CLIC5: variants seen among roughly 807,000 people sequenced by gnomAD.
The protein encoded by CLIC5 is CLIC family member 5.
A neutral mutation model predicts 24.7 loss-of-function variants in CLIC5; 20 were observed. That is an observed-to-expected ratio of 0.81 (90% CI 0.57 to 1.18). The LOEUF (loss-of-function observed/expected upper bound fraction) is 1.18. Among genes scored for constraint, CLIC5 ranks in the 50% most tolerant of loss-of-function variants. The pLI is 0.00. For missense variants in CLIC5, 341 were observed against 326.1 expected (o/e 1.05, Z -0.35); for synonymous variants, 159 against 135.6 (o/e 1.17, Z -1.20).
intron 1 of CLIC5, among the ~76,000 whole-genome samples, chr6:46,059,363 C>G (rs1031618024): frequency 2.0e-5 from 3 of 152,198 alleles, no homozygotes; most frequent in Non-Finnish European, 4.4e-5. Context: ...TGTATTCATG[C>G]TATTCCTATT....
chr6:45,981,226 C>A (rs1310781332), intron 1 of CLIC5, among the ~76,000 whole-genome samples: 1 of 152,062 alleles, frequency 6.6e-6, no homozygotes, highest in East Asian at 1.9e-4. Flanking sequence ...ACCTCAGCCT[C>A]CCAAAGTGTT....
chr6:45,887,945 T>G (rs1259700232), intron 6 of CLIC5, among the ~76,000 whole-genome samples: 1 of 152,216 alleles, frequency 6.6e-6, no homozygotes, highest in Non-Finnish European at 1.5e-5. Context: ...GACTAAATTT[T>G]CAAACATCTG....
At chr6:45,966,682 G>T (rs891427110) in intron 1 of CLIC5, among the ~76,000 whole-genome samples, 1 of 151,742 alleles carries the variant, frequency 6.6e-6, no homozygotes, top group Admixed American at 6.6e-5. Flanking sequence ...ACCTAAACTG[G>T]AAACTCCTTC....
intron 4 of CLIC5, among the ~76,000 whole-genome samples, chr6:45,929,919 TGA>T: frequency 6.6e-6 from 1 of 152,066 alleles, no homozygotes; most frequent in South Asian, 2.1e-4. Flanking sequence ...CAAGGCAGAA[TGA>T]GAAGGGGGGT....
intron 1 of CLIC5, among the ~76,000 whole-genome samples, chr6:45,986,607 A>C (rs995202818): frequency 6.6e-6 from 1 of 152,120 alleles, no homozygotes; most frequent in Non-Finnish European, 1.5e-5. Flanking sequence ...TTTTTTTTCT[A>C]TAGTGAGGCT....
At chr6:46,073,751 C>T (rs1037592563) in intron 1 of CLIC5, among the ~76,000 whole-genome samples, 1 of 152,244 alleles carries the variant, frequency 6.6e-6, no homozygotes, top group Non-Finnish European at 1.5e-5. Flanking sequence ...TTCTGACCCA[C>T]TCAACCAAAT....
chr6:46,111,411 TTTTG>T, the CLIC5 span, among the ~76,000 whole-genome samples: 1 of 152,158 alleles, frequency 6.6e-6, no homozygotes, highest in Non-Finnish European at 1.5e-5. Context: ...AGACATTCAC[TTTTG>T]TTTTTCTTCT....
chr6:46,109,251 A>G, the CLIC5 span, among the ~76,000 whole-genome samples: 1 of 152,288 alleles, frequency 6.6e-6, no homozygotes, highest in Non-Finnish European at 1.5e-5. Flanking sequence ...TTCTTCTTCA[A>G]GGAAATTTTT....
upstream of CLIC5, chr6:46,080,373 A>G (rs1762894643): frequency 3.0e-6 from 2 of 671,960 alleles, no homozygotes; most frequent in Non-Finnish European, 5.1e-6. Context: ...AGCAACTGCT[A>G]TCAATGACAG....
At chr6:45,988,196 C>T (rs887948791) in intron 1 of CLIC5, among the ~76,000 whole-genome samples, 1 of 152,100 alleles carries the variant, frequency 6.6e-6, no homozygotes, top group Non-Finnish European at 1.5e-5. Flanking sequence ...ATAAACATTA[C>T]AAAAAGGAGA....
chr6:46,115,873 A>C, the CLIC5 span, among the ~76,000 whole-genome samples: 4 of 152,366 alleles, frequency 2.6e-5, no homozygotes, highest in South Asian at 8.3e-4. Flanking sequence ...AGTTTTTCAC[A>C]TGACATAAAA....
chr6:46,013,448 C>T (rs867638669), intron 1 of CLIC5, among the ~76,000 whole-genome samples: 23 of 152,290 alleles, frequency 1.5e-4, no homozygotes, highest in African/African-American at 4.3e-4. Context: ...AACTGCTAAC[C>T]TGAAGCTCAA....
intron 4 of CLIC5, among the ~76,000 whole-genome samples, chr6:45,928,974 G>A (rs993783349): frequency 2.6e-5 from 4 of 152,150 alleles, no homozygotes; most frequent in African/African-American, 9.7e-5. Context: ...ATCCAGGCCA[G>A]GCCAGGAGAA....
At chr6:46,109,453 G>C in the CLIC5 span, among the ~76,000 whole-genome samples, 81 of 148,644 alleles carry the variant, frequency 5.4e-4, no homozygotes, top group African/African-American at 2.0e-3. Context: ...GCCGAGGCGG[G>C]TGCATCATGA....
intron 1 of CLIC5, among the ~76,000 whole-genome samples, chr6:46,056,898 T>G (rs962759059): frequency 1.3e-5 from 2 of 152,190 alleles, no homozygotes; most frequent in Admixed American, 1.3e-4. Context: ...AAGAATAAAA[T>G]GTTGAAAACC....
chr6:45,960,717 C>T (rs184439215), intron 1 of CLIC5, among the ~76,000 whole-genome samples: 1 of 152,234 alleles, frequency 6.6e-6, no homozygotes, highest in African/African-American at 2.4e-5. Flanking sequence ...GCAAGCCCCA[C>T]GTGTCCTGAA....
the CLIC5 span, among the ~76,000 whole-genome samples, chr6:46,086,032 G>A: frequency 3.0e-4 from 46 of 152,354 alleles, no homozygotes; most frequent in African/African-American, 9.9e-4. Flanking sequence ...CTCCGTGGGC[G>A]TAGGACCCTC....
At chr6:46,019,460 A>G (rs60500554), upstream of CLIC5, among the ~76,000 whole-genome samples, 37,403 of 150,818 alleles carry the variant, frequency 0.25, 5,556 homozygotes, top group African/African-American at 0.43. Flanking sequence ...GCCGAGGCGG[A>G]TGGATCATGA....
At chr6:46,095,317 T>C in the CLIC5 span, among the ~76,000 whole-genome samples, 1 of 152,230 alleles carries the variant, frequency 6.6e-6, no homozygotes, top group Non-Finnish European at 1.5e-5. Context: ...CTTGAATTCT[T>C]CCCCTGAAAA....
Sources: gnomAD v4.1 joint callset for allele counts (sites outside exome capture counted in the v4.1 genomes callset) on GRCh38, gnomAD v4.1.1 for gene constraint, MANE v1.5 for transcripts, NCBI Gene and HGNC (gene_info 2026-07-23, HGNC 2026-07-21) for gene names.